The following CYP7B1 variants were observed in gnomAD, a reference collection of about 807,000 sequenced individuals.
The protein encoded by CYP7B1 is cytochrome P450 7B1.
Under a neutral mutation model 42.7 loss-of-function variants are expected in CYP7B1, and 29 were observed. The observed-to-expected ratio is 0.68, with a 90% CI of 0.51 to 0.93. CYP7B1 has a LOEUF of 0.93. Ranked by LOEUF, CYP7B1 falls within the 40% of genes least tolerant of loss-of-function variation. The pLI, the probability that CYP7B1 is intolerant of heterozygous loss-of-function variation, is 0.00. For missense variants in CYP7B1, 655 were observed against 600.5 expected (o/e 1.09, Z -0.95); for synonymous variants, 235 against 218.2 (o/e 1.08, Z -0.68).
chr8:64,742,565 C>A (rs1267391542), intron 1 of CYP7B1, among the ~76,000 whole-genome samples: 1 of 152,134 alleles, frequency 6.6e-6, no homozygotes, highest in Non-Finnish European at 1.5e-5. Context: ...GTGGCTTAAA[C>A]AAGAAAAATT....
chr8:64,710,914 C>T (rs1807070031), intron 1 of CYP7B1, among the ~76,000 whole-genome samples: 1 of 151,798 alleles, frequency 6.6e-6, no homozygotes, highest in Non-Finnish European at 1.5e-5. Flanking sequence ...AAAGGAGATA[C>T]CTACTTTGTA....
chr8:64,625,749 A>G (rs549508997), intron 1 of CYP7B1, among the ~76,000 whole-genome samples: 4 of 152,262 alleles, frequency 2.6e-5, no homozygotes, highest in South Asian at 4.1e-4. Context: ...GTGTTTTTAT[A>G]TGTGTAGACT....
intron 1 of CYP7B1, among the ~76,000 whole-genome samples, chr8:64,744,067 G>A (rs964025481): frequency 6.6e-6 from 1 of 152,028 alleles, no homozygotes; most frequent in African/African-American, 2.4e-5. Flanking sequence ...TTCATTCTAG[G>A]AAAATAACCC....
chr8:64,650,536 T>A (rs1258556235), intron 1 of CYP7B1, among the ~76,000 whole-genome samples: 1 of 152,074 alleles, frequency 6.6e-6, no homozygotes, highest in Non-Finnish European at 1.5e-5. Flanking sequence ...TAGTCCCAGC[T>A]ACTTAGGAGG....
intron 1 of CYP7B1, among the ~76,000 whole-genome samples, chr8:64,635,359 A>C (rs1332585708): frequency 6.6e-6 from 1 of 152,238 alleles, no homozygotes; most frequent in Non-Finnish European, 1.5e-5. Context: ...TGGTGTTCAC[A>C]CACCCTCTGC....
intron 1 of CYP7B1, among the ~76,000 whole-genome samples, chr8:64,785,250 G>A (rs895946921): frequency 2.0e-5 from 3 of 152,128 alleles, no homozygotes; most frequent in Admixed American, 1.3e-4. Flanking sequence ...CTCATTCATC[G>A]CTGGTAGGAC....
rs117907118 is a variant in CYP7B1, at chr8:64,744,279, A to G, written c.122+54187T>C. ...TTTATAGATATATCATAGCCGTTCC[A>G]TAAGATATCAAATCATCCTCATCTA... On this transcript the variant is annotated intron_variant, in intron 1 of 5. Transcript: ENST00000310193. Among the ~76,000 whole-genome samples the G allele has an allele frequency of 8.0e-3, 1,218 of 152,318 alleles. 15 individuals are homozygous for G. Among genetic ancestry groups the G allele is most frequent in the Non-Finnish European group, 9.1e-3 (621 of 68,016 alleles).
chr8:64,618,978 C>T (rs1263255037), intron 2 of CYP7B1, among the ~76,000 whole-genome samples: 1 of 152,042 alleles, frequency 6.6e-6, no homozygotes, highest in Non-Finnish European at 1.5e-5. Context: ...TGAATTGGTT[C>T]AGAAGAAGAT....
At chr8:64,727,393 T>C (rs1446913618) in intron 1 of CYP7B1, among the ~76,000 whole-genome samples, 1 of 152,202 alleles carries the variant, frequency 6.6e-6, no homozygotes, top group Admixed American at 6.5e-5. Context: ...AAATTACTTT[T>C]TGTTCACTTG....
At chr8:64,746,975 A>C (rs1206107059) in intron 1 of CYP7B1, among the ~76,000 whole-genome samples, 2 of 151,730 alleles carry the variant, frequency 1.3e-5, no homozygotes, top group Non-Finnish European at 2.9e-5. Context: ...TGATTATAAA[A>C]ATAAATTCTA....
intron 2 of CYP7B1, among the ~76,000 whole-genome samples, chr8:64,623,865 G>GA (rs1049315111): frequency 9.9e-5 from 15 of 152,034 alleles, no homozygotes; most frequent in Non-Finnish European, 2.2e-4. Context: ...ATACATTTGT[G>GA]AAAACCCAAC....
At chr8:64,649,712 C>T (rs554278396) in intron 1 of CYP7B1, among the ~76,000 whole-genome samples, 4 of 152,346 alleles carry the variant, frequency 2.6e-5, no homozygotes, top group African/African-American at 9.6e-5. Flanking sequence ...CACATCATCA[C>T]CAACACTAGT....
intron 1 of CYP7B1, among the ~76,000 whole-genome samples, chr8:64,702,180 T>G (rs1806926781): frequency 1.3e-5 from 2 of 152,002 alleles, no homozygotes; most frequent in South Asian, 2.1e-4. Context: ...CTTAGCCCAT[T>G]ATAGAACTAT....
chr8:64,685,923 TG>T (rs1354498523), intron 1 of CYP7B1, among the ~76,000 whole-genome samples: 2 of 20,504 alleles, frequency 9.8e-5, no homozygotes, highest in African/African-American at 2.7e-4. Context: ...GGGAGGGAGG[TG>T]GGGGGGTCAG....
At chr8:64,783,450 T>A (rs940688940) in intron 1 of CYP7B1, among the ~76,000 whole-genome samples, 1 of 152,312 alleles carries the variant, frequency 6.6e-6, no homozygotes, top group South Asian at 2.1e-4. Context: ...CATTTTAATC[T>A]TATTTCTTAC....
intron 1 of CYP7B1, among the ~76,000 whole-genome samples, chr8:64,711,110 G>C (rs1296590428): frequency 3.3e-5 from 5 of 152,106 alleles, no homozygotes; most frequent in African/African-American, 1.2e-4. Context: ...GAGAGGGAGG[G>C]AGGGAGTAAA....
chr8:64,734,190 C>T (rs1807453836), intron 1 of CYP7B1, among the ~76,000 whole-genome samples: 1 of 152,172 alleles, frequency 6.6e-6, no homozygotes, highest in Admixed American at 6.5e-5. Context: ...TAATCATAAA[C>T]TTATGAGTAT....
At chr8:64,638,800 G>A (rs1369948357) in intron 1 of CYP7B1, among the ~76,000 whole-genome samples, 4 of 151,892 alleles carry the variant, frequency 2.6e-5, no homozygotes, top group Non-Finnish European at 4.4e-5. Flanking sequence ...AGAACCTAGG[G>A]CAAAGAAATA....
intron 1 of CYP7B1, among the ~76,000 whole-genome samples, chr8:64,793,241 A>G (rs1804648952): frequency 6.6e-6 from 1 of 152,224 alleles, no homozygotes; most frequent in Non-Finnish European, 1.5e-5. Context: ...TTCTGTAAAT[A>G]CTTTCCCCTC....
Sources: allele counts gnomAD v4.1 joint callset (sites outside exome capture counted in the v4.1 genomes callset), GRCh38; gene constraint gnomAD v4.1.1; transcripts MANE v1.5; gene names NCBI Gene and HGNC (gene_info 2026-07-23, HGNC 2026-07-21).